MEGF10: variants seen among roughly 807,000 people sequenced by gnomAD.
MEGF10 encodes multiple epidermal growth factor-like domains protein 10.
MEGF10 carries 86 observed loss-of-function variants against 147.5 expected under a neutral mutation model. That is an observed-to-expected ratio of 0.58 (90% CI 0.49 to 0.70). The LOEUF is 0.70. Among genes scored for constraint, MEGF10 ranks in the 30% least tolerant of loss-of-function variants. The probability of loss-of-function intolerance (pLI) is 0.00; values close to 1 mark genes in which losing one functional copy is unlikely to be tolerated. For missense variants in MEGF10, 1,329 were observed against 1,487.3 expected (o/e 0.89, Z 1.75); for synonymous variants, 478 against 525.5 (o/e 0.91, Z 1.24).
chr5:127,276,526 T>C, the MEGF10 span, among the ~76,000 whole-genome samples: 1 of 152,220 alleles, frequency 6.6e-6, no homozygotes, highest in Non-Finnish European at 1.5e-5. Context: ...GGCAAATGGA[T>C]TAAGTGACTT....
At chr5:127,414,002 A>G (rs773496818) in intron 9 of MEGF10, among the ~76,000 whole-genome samples, 3 of 152,260 alleles carry the variant, frequency 2.0e-5, no homozygotes, top group African/African-American at 7.2e-5. Context: ...TACCAAAAAT[A>G]TCATTTGTTT....
chr5:127,245,049 C>A, the MEGF10 span, among the ~76,000 whole-genome samples: 75 of 152,210 alleles, frequency 4.9e-4, no homozygotes, highest in South Asian at 5.0e-3. Flanking sequence ...TGTATAGATT[C>A]AATGCTATCC....
chr5:127,255,072 G>A, the MEGF10 span, among the ~76,000 whole-genome samples: 1 of 151,982 alleles, frequency 6.6e-6, no homozygotes, highest in African/African-American at 2.4e-5. Flanking sequence ...ATTGGTTGGG[G>A]ATGAAATCAT....
At chr5:127,424,872 T>G (rs1023135097) in intron 13 of MEGF10, 1 of 152,668 alleles carries the variant, frequency 6.6e-6, no homozygotes, top group Non-Finnish European at 1.5e-5. Context: ...CTAGGGTTCT[T>G]GAAGTTCTCA....
At chr5:127,327,983 C>G (rs111886764) in intron 1 of MEGF10, among the ~76,000 whole-genome samples, 7,211 of 152,204 alleles carry the variant, frequency 0.047, 253 homozygotes, top group South Asian at 0.084. Flanking sequence ...TCCCAAAGTG[C>G]TGGGATTACA....
chr5:127,247,403 A>AGAG, the MEGF10 span, among the ~76,000 whole-genome samples: 1 of 61,204 alleles, frequency 1.6e-5, no homozygotes, highest in African/African-American at 9.0e-5. Context: ...AAGAAGAAGA[A>AGAG]GAAGAAGAAG....
At chr5:127,247,380 G>GA in the MEGF10 span, among the ~76,000 whole-genome samples, 1 of 14,366 alleles carries the variant, frequency 7.0e-5, no homozygotes, top group Non-Finnish European at 1.4e-4. Flanking sequence ...AGAAGAAGAA[G>GA]AAGAAGAAGA....
intron 10 of MEGF10, among the ~76,000 whole-genome samples, chr5:127,418,317 G>C (rs1764855890): frequency 2.0e-5 from 3 of 152,198 alleles, no homozygotes; most frequent in Admixed American, 2.0e-4. Context: ...TTTGCTTACA[G>C]TTTCTAAGAT....
In MEGF10 at chr5:127,353,234, T is replaced by C. The variant is rs528622453; in HGVS notation, c.319+12604T>C. On this transcript the variant is annotated intron_variant, in intron 4 of 24. Transcript: ENST00000503335. ...CGTGATCCCCACATACTGTGGTTCA[T>C]TCAGGCACATGCTGGAATAAATGAA... 7.9e-5 allele frequency among the ~76,000 whole-genome samples: 12 copies of C among 152,340 alleles called. No individual in the cohort carries two copies. The East Asian group carries it at 2.3e-3, about 29-fold the overall frequency.
At chr5:127,370,373 A>G (rs1013045769) in intron 5 of MEGF10, among the ~76,000 whole-genome samples, 4 of 152,168 alleles carry the variant, frequency 2.6e-5, no homozygotes, top group Non-Finnish European at 5.9e-5. Flanking sequence ...TGATTTCTCT[A>G]AGAAAATCTC....
At chr5:127,437,030 A>T (rs1765574891) in intron 16 of MEGF10, among the ~76,000 whole-genome samples, 1 of 152,214 alleles carries the variant, frequency 6.6e-6, no homozygotes, top group Admixed American at 6.5e-5. Context: ...CCATTCTCTG[A>T]TCATAACAAA....
chr5:127,355,183 AAGCAAAAGGAG>A (rs1762237348), intron 4 of MEGF10, among the ~76,000 whole-genome samples: 2 of 152,088 alleles, frequency 1.3e-5, no homozygotes, highest in South Asian at 4.1e-4. Context: ...GGATTTGGGG[AAGCAAAAGGAG>A]AGCTTCAGGA....
At chr5:127,412,465 A>G (rs905319129) in intron 9 of MEGF10, among the ~76,000 whole-genome samples, 1 of 152,218 alleles carries the variant, frequency 6.6e-6, no homozygotes, top group African/African-American at 2.4e-5. Flanking sequence ...TAGTTTGTTC[A>G]CATTAGCATT....
chr5:127,312,403 C>T (rs991395221), intron 1 of MEGF10, among the ~76,000 whole-genome samples: 2 of 152,178 alleles, frequency 1.3e-5, no homozygotes, highest in Non-Finnish European at 2.9e-5. Context: ...CAGTCAATCA[C>T]AGTAAAGGGC....
intron 1 of MEGF10, among the ~76,000 whole-genome samples, chr5:127,313,194 C>T (rs539256734): frequency 2.6e-5 from 4 of 152,262 alleles, no homozygotes; most frequent in East Asian, 1.9e-4. Context: ...CTTTCTGACA[C>T]GGCTCTATGG....
intron 2 of MEGF10, among the ~76,000 whole-genome samples, chr5:127,332,902 G>A (rs1393746323): frequency 1.3e-5 from 2 of 152,144 alleles, no homozygotes; most frequent in East Asian, 3.8e-4. Context: ...GGGATGGGAG[G>A]AAAAGTCAAG....
At chr5:127,325,904 TATA>T (rs765642001) in intron 1 of MEGF10, among the ~76,000 whole-genome samples, 50,064 of 107,908 alleles carry the variant, frequency 0.46, 9,955 homozygotes, top group Middle Eastern at 0.57. Flanking sequence ...TATATATATA[TATA>T]TATTTTTTTT....
intron 4 of MEGF10, among the ~76,000 whole-genome samples, chr5:127,362,386 T>C (rs144082348): frequency 0.044 from 6,683 of 151,020 alleles, 443 homozygotes; most frequent in African/African-American, 0.15. Context: ...TTTTTTTTTT[T>C]TGAGACGGAG....
chr5:127,232,671 A>G, the MEGF10 span, among the ~76,000 whole-genome samples: 1 of 152,156 alleles, frequency 6.6e-6, no homozygotes, highest in Non-Finnish European at 1.5e-5. Context: ...GGAGATGTAA[A>G]GGAGGAAATT....
Sources: allele counts gnomAD v4.1 joint callset (sites outside exome capture counted in the v4.1 genomes callset), GRCh38; gene constraint gnomAD v4.1.1; transcripts MANE v1.5; gene names NCBI Gene and HGNC (gene_info 2026-07-23, HGNC 2026-07-21).